Variants in WNT7B observed in about 807,000 individuals in gnomAD.
WNT7B encodes protein Wnt-7b.
A neutral mutation model predicts 38.2 loss-of-function variants in WNT7B; 19 were observed. The ratio of observed to expected loss-of-function variants is 0.50; its 90% CI spans 0.35 to 0.73. The LOEUF is 0.73. Among genes scored for constraint, WNT7B ranks in the 30% least tolerant of loss-of-function variants. WNT7B has a pLI of 0.01. For missense variants in WNT7B, 423 were observed against 507.9 expected (o/e 0.83, Z 1.61); for synonymous variants, 243 against 209.3 (o/e 1.16, Z -1.39).
At chr22:45,947,141 C>G (rs932894669) in intron 2 of WNT7B, among the ~76,000 whole-genome samples, 21 of 152,198 alleles carry the variant, frequency 1.4e-4, no homozygotes, top group African/African-American at 5.1e-4. Flanking sequence ...CGGGGCCTGG[C>G]GTGCTTGGGG....
In WNT7B at chr22:45,927,344, G is replaced by C. The variant is rs796395204; in HGVS notation, c.570+3754C>G. The C allele has an allele frequency of 4.5e-5, 66 of 1,470,042 alleles. No individual in the cohort carries two copies. The African/African-American group carries it at 8.5e-4, about 19-fold the overall frequency. The allele number at this position is 1,470,042 out of a possible 1,614,324, so 91.1% of individuals were successfully genotyped here. On this transcript the variant is annotated intron_variant, in intron 3 of 3. Coordinates refer to ENST00000339464, the MANE Select transcript of WNT7B (RefSeq NM_058238.3). ...GGAAGGGCAGCCAGGGCCTTGGTCTGGTAGAAGTGGGGGCAGGGCGGGGGC... is the reference window on the plus strand; with the variant it reads ...GGAAGGGCAGCCAGGGCCTTGGTCTCGTAGAAGTGGGGGCAGGGCGGGGGC...
chr22:45,972,120 A>ACCCCCCCCCCCCCCCC, intron 1 of WNT7B: 1 of 155,368 alleles, frequency 6.4e-6, no homozygotes, highest in Non-Finnish European at 1.2e-5. Context: ...GGGGGAGCCC[A>ACCCCCCCCCCCCCCCC]CCCGCCCACC....
intron 3 of WNT7B, among the ~76,000 whole-genome samples, chr22:45,929,885 C>CATCCATCCA (rs1177908598): frequency 1.4e-5 from 2 of 140,136 alleles, no homozygotes; most frequent in African/African-American, 6.1e-5. Context: ...ACCATCTACC[C>CATCCATCCA]ACTCATCCAC....
intron 1 of WNT7B, among the ~76,000 whole-genome samples, chr22:45,970,541 C>A (rs1016568062): frequency 1.8e-4 from 26 of 147,240 alleles, no homozygotes; most frequent in African/African-American, 6.4e-4. Flanking sequence ...CAACCCCCAA[C>A]CCCCCCACTT....
rs1441727672 is a variant in WNT7B at position 45,972,918 on chromosome 22, T to C, written c.71+3766A>G. On this transcript the variant is annotated intron_variant, in intron 1 of 3. Coordinates refer to ENST00000339464, the MANE Select transcript of WNT7B (RefSeq NM_058238.3). ...CGTGGGCAGTCTGTGAGGACAGGTG[T>C]GTGTGCACAGATGCATTGAGTGTCC... 2.0e-5 allele frequency among the ~76,000 whole-genome samples: 3 copies of C among 152,254 alleles called. No individual in the cohort carries two copies. The East Asian group carries it at 5.8e-4, about 29-fold the overall frequency.
intron 2 of WNT7B, among the ~76,000 whole-genome samples, chr22:45,942,399 T>C (rs1310149719): frequency 2.0e-5 from 3 of 152,220 alleles, no homozygotes; most frequent in African/African-American, 7.2e-5. Flanking sequence ...CTGCCTGAGC[T>C]AGTCTGGGAT....
chr22:45,932,913 A>T (rs528675532), intron 2 of WNT7B, among the ~76,000 whole-genome samples: 2 of 152,326 alleles, frequency 1.3e-5, no homozygotes, highest in South Asian at 2.1e-4. Context: ...TGTGCCTGTT[A>T]TTGGGGCTGA....
intron 2 of WNT7B, among the ~76,000 whole-genome samples, chr22:45,945,510 C>T (rs887709808): frequency 1.3e-5 from 2 of 152,226 alleles, no homozygotes; most frequent in Non-Finnish European, 2.9e-5. Context: ...CTTCAAAATC[C>T]ATGCATATCT....
intron 2 of WNT7B, among the ~76,000 whole-genome samples, chr22:45,943,323 T>A (rs1050837236): frequency 6.6e-6 from 1 of 152,266 alleles, no homozygotes; most frequent in African/African-American, 2.4e-5. Context: ...GAAAAAGTCA[T>A]GCCAGGTCCA....
intron 2 of WNT7B, among the ~76,000 whole-genome samples, chr22:45,939,603 G>A (rs1291998258): frequency 6.6e-6 from 1 of 150,696 alleles, no homozygotes; most frequent in Non-Finnish European, 1.5e-5. Flanking sequence ...AGACCAGCCT[G>A]GGCAACATGG....
Position 45,947,810 on chromosome 22 carries a change from C to T in WNT7B, c.298+2110G>A, listed in dbSNP as rs574429736. Among the ~76,000 whole-genome samples, 29 of 152,264 alleles carry T rather than the reference C, an allele frequency of 1.9e-4. No individual in the cohort carries two copies. In the South Asian group the frequency reaches 6.0e-3, roughly 32 times the overall value. ...CCAAAATGTTTGCTTCTGAAACGCT[C>T]GGGAAAGCAACAGGGGTGTCTTAGG... On this transcript the variant is annotated intron_variant, in intron 2 of 3. Transcript: ENST00000339464.
At chr22:45,954,956 GC>G (rs1329809011) in intron 1 of WNT7B, among the ~76,000 whole-genome samples, 1 of 152,240 alleles carries the variant, frequency 6.6e-6, no homozygotes, top group East Asian at 1.9e-4. Flanking sequence ...CAGGCTTGGA[GC>G]CCAGTCTCTG....
chr22:45,929,995 C>T (rs1232674639), intron 3 of WNT7B, among the ~76,000 whole-genome samples: 1 of 80,356 alleles, frequency 1.2e-5, no homozygotes, highest in Non-Finnish European at 2.5e-5. Context: ...ACTTAATAAC[C>T]ACCTGCATGA....
rs900638906 is a variant in WNT7B at position 45,949,782 on chromosome 22, G to A, written c.298+138C>T. The A allele has an allele frequency of 3.7e-5, 30 of 816,308 alleles. No individual in the cohort carries two copies. In the African/African-American group the frequency reaches 4.5e-4, roughly 12 times the overall value. The allele number at this position is 816,308 out of a possible 1,614,324, so 50.6% of individuals were successfully genotyped here. A position where few individuals can be genotyped will look rare whatever the true frequency, so the allele number is the denominator to read the frequency against. ...TAGGGCCAGGCCAGGCACGCAGAAG[G>A]GCTCACAGGAAGGCAAAGAAATTGG... On this transcript the variant is annotated intron_variant, in intron 2 of 3. Transcript: ENST00000339464.
At chr22:45,947,057 C>T (rs1177673056) in intron 2 of WNT7B, among the ~76,000 whole-genome samples, 1 of 152,206 alleles carries the variant, frequency 6.6e-6, no homozygotes, top group African/African-American at 2.4e-5. Flanking sequence ...CAGCTGGCCT[C>T]GGACATGGCT....
In WNT7B at chr22:45,922,698, G is replaced by T; in HGVS notation, c.*158C>A. 8.2e-7 allele frequency: 1 copy of T among 1,219,328 alleles called. No individual in the cohort carries two copies. Among genetic ancestry groups the T allele is most frequent in the Non-Finnish European group, 1.1e-6 (1 of 899,672 alleles). The allele number at this position is 1,219,328 out of a possible 1,614,324, so 75.5% of individuals were successfully genotyped here. A position where few individuals can be genotyped will look rare whatever the true frequency, so the allele number is the denominator to read the frequency against. Reference sequence around the variant, plus strand: ...AGGAGCCCCAGGGAGGCGGGCAGAGGGCGTGGGCCCCGGCCGGTGCCCTCC... The same window carrying T: ...AGGAGCCCCAGGGAGGCGGGCAGAGTGCGTGGGCCCCGGCCGGTGCCCTCC... On this transcript the variant is annotated 3_prime_UTR_variant, in exon 4 of 4. Transcript: ENST00000339464.
chr22:45,948,829 T>C (rs1262101034), intron 2 of WNT7B, among the ~76,000 whole-genome samples: 2 of 52,336 alleles, frequency 3.8e-5, no homozygotes, highest in East Asian at 6.7e-4. Context: ...AAAGATCCCT[T>C]TTTTTTTTTT....
chr22:45,972,116 G>GGGGGCCCCCCCCCCCCCCCCC, intron 1 of WNT7B: 3 of 530,742 alleles, frequency 5.7e-6, no homozygotes, highest in East Asian at 3.7e-5. Context: ...CCCGGGGGGA[G>GGGGGCCCCCCCCCCCCCCCCC]CCCACCCGCC....
rs187203982 is a variant in WNT7B at position 45,956,965 on chromosome 22, G to C, written c.72-6819C>G. ...TACTAAAAATACAAAAATTAGCTGG[G>C]CGTGGTGGCGTGTGCCTGTAGTCCC... On this transcript the variant is annotated intron_variant, in intron 1 of 3. Coordinates refer to ENST00000339464, the MANE Select transcript of WNT7B (RefSeq NM_058238.3). 5.3e-5 allele frequency among the ~76,000 whole-genome samples: 8 copies of C among 152,318 alleles called. No individual in the cohort carries two copies. In the East Asian group the frequency reaches 1.5e-3, roughly 29 times the overall value.
Sources: gnomAD v4.1 joint callset for allele counts (sites outside exome capture counted in the v4.1 genomes callset) on GRCh38, gnomAD v4.1.1 for gene constraint, MANE v1.5 for transcripts, NCBI Gene and HGNC (gene_info 2026-07-23, HGNC 2026-07-21) for gene names.